KSR2: variants seen among roughly 807,000 people sequenced by gnomAD.
The protein encoded by KSR2 is kinase suppressor of ras 2.
Under a neutral mutation model 107.8 loss-of-function variants are expected in KSR2, and 25 were observed. That is an observed-to-expected ratio of 0.23 (90% CI 0.17 to 0.32). KSR2 has a LOEUF of 0.32. Ranked by LOEUF, KSR2 falls within the 10% of genes least tolerant of loss-of-function variation. The pLI is 1.00. For synonymous variants in KSR2, 480 were observed against 507.0 expected (o/e 0.95, Z 0.71); for missense variants, 887 against 1,268.9 (o/e 0.70, Z 4.57).
chr12:117,567,913 A>G lies in KSR2; in HGVS notation c.1326-9340T>C, dbSNP rs573313188. On this transcript the variant is annotated intron_variant, in intron 7 of 19. Coordinates refer to ENST00000339824, the MANE Select transcript of KSR2 (RefSeq NM_173598.6). Reference sequence around the variant, plus strand: ...TCCCCTGTGGTCTCTTGTTTGAGCCAGTGCTTCTAGAAATGCCTCCGTATG... The same window carrying G: ...TCCCCTGTGGTCTCTTGTTTGAGCCGGTGCTTCTAGAAATGCCTCCGTATG... Among the ~76,000 whole-genome samples, 6 of 151,688 alleles carry G rather than the reference A, an allele frequency of 4.0e-5. No individual in the cohort carries two copies. In the East Asian group the frequency reaches 1.2e-3, roughly 29 times the overall value.
At chr12:117,700,834 T>C (rs1348761138) in intron 4 of KSR2, among the ~76,000 whole-genome samples, 1 of 152,134 alleles carries the variant, frequency 6.6e-6, no homozygotes, top group Admixed American at 6.5e-5. Flanking sequence ...TTTGTACAAC[T>C]CCCAATGTCG....
At position 117,579,173 on chromosome 12, in the gene KSR2, G is replaced by A. The variant is rs552480492; in HGVS notation, c.1271C>T (p.Thr424Met). Residue 424 changes from threonine to methionine, a missense_variant, in exon 7 of 20, where the codon ACG becomes ATG. Around this residue, in one of 8 missense-constraint regions of KSR2, gnomAD observed 12 missense variants for 48.1 expected, o/e 0.25. Transcript: ENST00000339824. ...RFSTKYWMSQTCTVCGKGMLF... is the reference protein window; with the variant it reads ...RFSTKYWMSQMCTVCGKGMLF... Reference sequence around the variant, plus strand: ...CATCCCTTTCCCACAGACTGTGCACGTCTGAGACATCCAGTACTTGGTGGA... The same window carrying A: ...CATCCCTTTCCCACAGACTGTGCACATCTGAGACATCCAGTACTTGGTGGA... The A allele has an allele frequency of 9.4e-5, 151 of 1,613,704 alleles. No individual in the cohort carries two copies. Among genetic ancestry groups the A allele is most frequent in the Admixed American group, 1.7e-4 (10 of 60,010 alleles).
intron 3 of KSR2, among the ~76,000 whole-genome samples, chr12:117,793,968 C>A (rs1318929116): frequency 7.6e-6 from 1 of 132,402 alleles, no homozygotes; most frequent in Non-Finnish European, 1.6e-5. Context: ...CACCAACATG[C>A]ACACACACCA....
intron 3 of KSR2, among the ~76,000 whole-genome samples, chr12:117,766,709 C>A (rs1020785254): frequency 8.6e-5 from 13 of 151,930 alleles, no homozygotes; most frequent in Admixed American, 5.2e-4. Context: ...GAGGTGGCAC[C>A]TAAGCCCAGA....
At position 117,936,533 on chromosome 12, in the gene KSR2, TTAGTAGTAGTAGTAGTAG is replaced by T. The variant is rs60536021; in HGVS notation, c.180+31525_180+31542del. On this transcript the variant is annotated intron_variant, in intron 1 of 19. Transcript: ENST00000339824. Reference sequence around the variant, plus strand: ...TATTTTATTATTATTATTATTATTATTAGTAGTAGTAGTAGTAGTAGTAGTAGTAGTAGTAGTAGTAGA... The same window carrying T: ...TATTTTATTATTATTATTATTATTATTAGTAGTAGTAGTAGTAGTAGTAGA... 3.3e-5 allele frequency among the ~76,000 whole-genome samples: 4 copies of T among 119,684 alleles called. No homozygotes were observed. The East Asian group carries it at 1.1e-3, about 34-fold the overall frequency. The allele number at this position is 119,684 out of a possible 152,430, so 78.5% of individuals were successfully genotyped here.
chr12:117,890,877 G>C (rs1894321199), intron 1 of KSR2: 1 of 152,114 alleles, frequency 6.6e-6, no homozygotes, highest in Admixed American at 6.6e-5. Flanking sequence ...GTGGAATATT[G>C]CAACATCCCA....
chr12:117,604,453 A>T lies in KSR2; in HGVS notation c.1172-22094T>A, dbSNP rs1593041417. The stretch of plus-strand genomic sequence containing the variant: ...AGTGAAATTGCTGTGTTGTATGGTA[A>T]TTCAAAGTTTAACTTTTTGAGGAAT... On this transcript the variant is annotated intron_variant, in intron 5 of 19. Coordinates refer to ENST00000339824, the MANE Select transcript of KSR2 (RefSeq NM_173598.6). Among the ~76,000 whole-genome samples the T allele has an allele frequency of 2.0e-5, 3 of 152,340 alleles. No homozygotes were observed. The South Asian group carries it at 6.2e-4, about 32-fold the overall frequency.
intron 1 of KSR2, among the ~76,000 whole-genome samples, chr12:117,943,642 TA>T (rs1029113012): frequency 6.6e-6 from 1 of 151,164 alleles, no homozygotes; most frequent in East Asian, 2.0e-4. Context: ...TATTCAGTCA[TA>T]AAAAAATGAA....
At chr12:117,829,963 A>T (rs1891897993) in intron 3 of KSR2, among the ~76,000 whole-genome samples, 1 of 152,208 alleles carries the variant, frequency 6.6e-6, no homozygotes, top group African/African-American at 2.4e-5. Context: ...CAGAAAATCA[A>T]ATATTGCATG....
chr12:117,956,020 A>C (rs957690520), intron 1 of KSR2, among the ~76,000 whole-genome samples: 1 of 150,194 alleles, frequency 6.7e-6, no homozygotes, highest in Non-Finnish European at 1.5e-5. Flanking sequence ...GGAGGCCGAG[A>C]CGGGCGGATC....
chr12:117,531,806 C>A, intron 10 of KSR2, 99 bp from the exon 11 acceptor site: 1 of 806,982 alleles, frequency 1.2e-6, no homozygotes, highest in Non-Finnish European at 2.0e-6. Flanking sequence ...TCATTCTCTG[C>A]CCACCTTCAA....
At chr12:117,578,362 C>T (rs566653478) in intron 7 of KSR2, among the ~76,000 whole-genome samples, 3 of 152,056 alleles carry the variant, frequency 2.0e-5, no homozygotes, top group South Asian at 4.2e-4. Flanking sequence ...GGGAGCCTGA[C>T]GGGGGAGGAT....
rs527561720 is a variant in KSR2, at chr12:117,611,439, C to T, written c.1172-29080G>A. 1.4e-3 allele frequency among the ~76,000 whole-genome samples: 202 copies of T among 147,866 alleles called. 4 individuals are homozygous for T. In the South Asian group the frequency reaches 0.039, roughly 28 times the overall value. On this transcript the variant is annotated intron_variant, in intron 5 of 19. Transcript: ENST00000339824. ...GTCAATACTTGAAAAGGCACATGCA[C>T]GCACAGACACACACACACACACACG...
Position 117,779,899 on chromosome 12 carries a change from A to G in KSR2, c.473-18375T>C, listed in dbSNP as rs79167923. Among the ~76,000 whole-genome samples, 747 of 152,272 alleles carry G rather than the reference A, an allele frequency of 4.9e-3. 27 individuals carry two copies. In the East Asian group the frequency reaches 0.09, roughly 18 times the overall value. Reference sequence around the variant, plus strand: ...ACACACTATCGTTGCTATCATTAGTAGTAATTCTCTTCCCTTCCCCAGGCA... The same window carrying G: ...ACACACTATCGTTGCTATCATTAGTGGTAATTCTCTTCCCTTCCCCAGGCA... On this transcript the variant is annotated intron_variant, in intron 3 of 19. Coordinates refer to ENST00000339824, the MANE Select transcript of KSR2 (RefSeq NM_173598.6).
At chr12:117,962,095 T>C (rs372269936) in intron 1 of KSR2, among the ~76,000 whole-genome samples, 91 of 146,424 alleles carry the variant, frequency 6.2e-4, no homozygotes, top group African/African-American at 2.2e-3. Flanking sequence ...CAGTGAGCTA[T>C]GATGGCACCA....
At chr12:117,836,815 T>C (rs1354475146) in intron 3 of KSR2, among the ~76,000 whole-genome samples, 2 of 152,204 alleles carry the variant, frequency 1.3e-5, no homozygotes, top group African/African-American at 2.4e-5. Context: ...TCGTAGCCAT[T>C]CTTTAGACAG....
Position 117,693,895 on chromosome 12 carries a change from C to T in KSR2, c.987-26237G>A, listed in dbSNP as rs188492888. Among the ~76,000 whole-genome samples, 235 of 152,308 alleles carry T rather than the reference C, an allele frequency of 1.5e-3. 1 individual carries two copies. The highest frequency in any genetic ancestry group is 5.3e-3 in the African/African-American group (221 of 41,576). ...AGAAGACATGCTCTGACGCCTATGCCCTTAAGCTAAATCACTCTGCTCTTG... is the reference window on the plus strand; with the variant it reads ...AGAAGACATGCTCTGACGCCTATGCTCTTAAGCTAAATCACTCTGCTCTTG... On this transcript the variant is annotated intron_variant, in intron 4 of 19. Transcript: ENST00000339824.
chr12:117,760,935 C>T, intron 4 of KSR2, 76 bp downstream of exon 4: 1 of 1,574,276 alleles, frequency 6.4e-7, no homozygotes, highest in East Asian at 2.3e-5. Flanking sequence ...TTGACCTGGG[C>T]AGTTCCTGGG....
intron 3 of KSR2, among the ~76,000 whole-genome samples, chr12:117,788,368 C>T (rs10774953): frequency 0.55 from 84,186 of 152,066 alleles, 24,801 homozygotes; most frequent in African/African-American, 0.75. Context: ...CAAACTGTAC[C>T]ATGGGATATG....
Sources: gnomAD v4.1 joint callset for allele counts (sites outside exome capture counted in the v4.1 genomes callset) on GRCh38, gnomAD v4.1.1 for gene constraint, gnomAD v4.1.1 regional missense constraint, MANE v1.5 for transcripts, NCBI Gene and HGNC (gene_info 2026-07-23, HGNC 2026-07-21) for gene names.